Variants in ZNF287 observed in about 807,000 individuals in gnomAD.
ZNF287 encodes the protein zinc finger protein 287, also known as zinc finger protein with KRAB and SCAN domains 13.
In ZNF287, 31 loss-of-function variants were observed where a neutral mutation model predicts 73.7. That is an observed-to-expected ratio of 0.42 (90% CI 0.32 to 0.57). The LOEUF is 0.57. Among genes scored for constraint, ZNF287 ranks in the 20% least tolerant of loss-of-function variants. The probability of loss-of-function intolerance (pLI) is 0.13; values close to 1 mark genes in which losing one functional copy is unlikely to be tolerated. For missense variants in ZNF287, 641 were observed against 909.3 expected (o/e 0.70, Z 3.79); for synonymous variants, 301 against 307.2 (o/e 0.98, Z 0.21).
chr17:16,564,271 G>GTTCA (rs1907618983), intron 3 of ZNF287, among the ~76,000 whole-genome samples: 1 of 152,132 alleles, frequency 6.6e-6, no homozygotes, highest in South Asian at 2.1e-4. Flanking sequence ...TACAATCATT[G>GTTCA]TTCACTGCAG....
chr17:16,561,171 G>A (rs1394787674), intron 5 of ZNF287, among the ~76,000 whole-genome samples: 6 of 152,062 alleles, frequency 3.9e-5, no homozygotes, highest in East Asian at 1.9e-4. Flanking sequence ...AAAACTAGCC[G>A]GGTGTGGTGG....
At chr17:16,557,818 G>C (rs1238271943) in intron 5 of ZNF287, among the ~76,000 whole-genome samples, 1 of 152,140 alleles carries the variant, frequency 6.6e-6, no homozygotes, top group East Asian at 1.9e-4. Flanking sequence ...GTAAGAACAG[G>C]CTAGGCTAGA....
intron 5 of ZNF287, among the ~76,000 whole-genome samples, chr17:16,560,021 T>C (rs1266832678): frequency 6.6e-6 from 1 of 151,816 alleles, no homozygotes; most frequent in Admixed American, 6.6e-5. Flanking sequence ...GGCACAACCT[T>C]GGCTCACTGC....
At chr17:16,566,204 T>C (rs1385649725) in intron 3 of ZNF287, among the ~76,000 whole-genome samples, 1 of 152,186 alleles carries the variant, frequency 6.6e-6, no homozygotes, top group African/African-American at 2.4e-5. Flanking sequence ...GTTAAGTATC[T>C]TGTCCCAAAT....
intron 1 of ZNF287, 61 bp from the exon 2 acceptor site, chr17:16,567,990 C>A: frequency 7.7e-7 from 1 of 1,294,426 alleles, no homozygotes; most frequent in Non-Finnish European, 9.8e-7. Flanking sequence ...TATACATATA[C>A]ACACACAGAA....
intron 3 of ZNF287, among the ~76,000 whole-genome samples, chr17:16,565,615 C>T (rs954417549): frequency 2.0e-5 from 3 of 152,068 alleles, no homozygotes; most frequent in African/African-American, 7.2e-5. Flanking sequence ...CAAAAGCTTT[C>T]CAATTTCAGA....
At chr17:16,567,095 A>G (rs928957536) in intron 2 of ZNF287, among the ~76,000 whole-genome samples, 3 of 152,130 alleles carry the variant, frequency 2.0e-5, no homozygotes, top group African/African-American at 4.8e-5. Flanking sequence ...GGTTTAGATA[A>G]TGTGTGTTTG....
In ZNF287 at chr17:16,567,750, C is replaced by G. The variant is rs375102410; in HGVS notation, c.-19G>C. The G allele has an allele frequency of 1.8e-4, 287 of 1,586,174 alleles. No homozygotes were observed. The highest frequency in any genetic ancestry group is 1.7e-4 in the Non-Finnish European group (201 of 1,166,496). ...CTAACATTGCTACAGACAGGAGAGT[C>G]AATCTGGCAATATCCTTTATTTCTC... On this transcript the variant is annotated 5_prime_UTR_variant, in exon 2 of 6. Coordinates refer to ENST00000395825, the MANE Select transcript of ZNF287 (RefSeq NM_020653.4).
Position 16,547,300 on chromosome 17 carries a change from A to G in ZNF287, c.*4556T>C, listed in dbSNP as rs571172400. On this transcript the variant is annotated 3_prime_UTR_variant, in exon 6 of 6. Coordinates refer to ENST00000395825, the MANE Select transcript of ZNF287 (RefSeq NM_020653.4). Reference sequence around the variant, plus strand: ...TATAGACATATAATAGTTAAAACACAACGTATTAGGTATACATCTAGTTGC... The same window carrying G: ...TATAGACATATAATAGTTAAAACACGACGTATTAGGTATACATCTAGTTGC... Among the ~76,000 whole-genome samples, 2 of 152,326 alleles carry G rather than the reference A, an allele frequency of 1.3e-5. No individual in the cohort carries two copies. The highest frequency in any genetic ancestry group is 4.8e-5 in the African/African-American group (2 of 41,566).
Position 16,552,996 on chromosome 17 carries a change from G to C in ZNF287, c.1146C>G (p.Ser382=). The change falls in exon 6 of 6, where the codon TCC becomes TCG. Residue 382 remains serine, a synonymous_variant. Transcript: ENST00000395825. This position sits in a 1 kb window ranked among gnomAD's most constrained non-coding sequence, Gnocchi z 6.5. ...CATGGGTACTTTGGTGTTTCAGGAG[G>C]GATGGGTATTTCCTAAATTTTTTCC... ...VCGKKFRKYP[S]LLKHQSTHAK... 1.2e-6 allele frequency: 2 copies of C among 1,614,022 alleles called. 1 individual carries two copies. The highest frequency in any genetic ancestry group is 1.7e-6 in the Non-Finnish European group (2 of 1,179,994).
intron 5 of ZNF287, among the ~76,000 whole-genome samples, chr17:16,557,153 G>A (rs987408314): frequency 2.0e-5 from 3 of 152,198 alleles, no homozygotes; most frequent in South Asian, 2.1e-4. Context: ...ACCGATAAAC[G>A]CACATTTTAA....
At position 16,552,701 on chromosome 17, in the gene ZNF287, T is replaced by G. The variant is rs761850967; in HGVS notation, c.1441A>C (p.Lys481Gln). 6.2e-7 allele frequency: 1 copy of G among 1,614,180 alleles called. No homozygotes were observed. The highest frequency in any genetic ancestry group is 8.5e-7 in the Non-Finnish European group (1 of 1,180,022). The change falls in exon 6 of 6, where the codon AAA (lysine) becomes CAA (glutamine). Residue 481 changes from lysine (K) to glutamine (Q), a missense_variant. Coordinates refer to ENST00000395825, the MANE Select transcript of ZNF287 (RefSeq NM_020653.4). This position sits in a 1 kb window ranked among gnomAD's most constrained non-coding sequence, Gnocchi z 6.5. The part of the protein sequence containing the change: ...QRTHTGEKPY[K>Q]CLECGKTFSH... ...AAGGTTTTACCACATTCCAAGCATT[T>G]ATATGGTTTCTCTCCAGTATGTGTC... is the stretch of plus-strand genomic sequence containing the variant.
Position 16,551,905 on chromosome 17 carries a change from T to C in ZNF287, c.2237A>G (p.Asn746Ser). 1 of 1,613,520 alleles carries C rather than the reference T, an allele frequency of 6.2e-7. No homozygotes were observed. The highest frequency in any genetic ancestry group is 8.5e-7 in the Non-Finnish European group (1 of 1,179,658). Residue 746 changes from asparagine (N) to serine (S), a missense_variant, in exon 6 of 6, where the codon AAC becomes AGC. Transcript: ENST00000395825. ...ICGKTFTQST[N>S]LIQHQRVHTG... Reference sequence around the variant, plus strand: ...ATGAACACGTTGATGCTGAATAAGGTTTGTACTCTGGGTGAAGGTTTTACC... The same window carrying C: ...ATGAACACGTTGATGCTGAATAAGGCTTGTACTCTGGGTGAAGGTTTTACC...
At chr17:16,554,954 T>G (rs1160947638) in intron 5 of ZNF287, among the ~76,000 whole-genome samples, 3 of 150,088 alleles carry the variant, frequency 2.0e-5, no homozygotes, top group African/African-American at 7.6e-5. Flanking sequence ...TTAGGTTGAA[T>G]TATGTAGGAA....
intron 5 of ZNF287, 22 bp downstream of exon 5, chr17:16,563,124 T>C (rs962876646): frequency 8.4e-6 from 13 of 1,541,044 alleles, no homozygotes; most frequent in African/African-American, 1.4e-5. Context: ...ACAAAGAAGC[T>C]CATGCGCTTT....
In ZNF287 at chr17:16,567,846, C is replaced by A. The variant is rs943817431; in HGVS notation, c.-115G>T. ...ACACTATATCAAAGGCTGCTGCAGC[C>A]GAGGGCAGAACAGAATCAAGGTAGA... is the stretch of plus-strand genomic sequence containing the variant. On this transcript the variant is annotated 5_prime_UTR_variant, in exon 2 of 6. Transcript: ENST00000395825. The A allele has an allele frequency of 3.4e-6, 5 of 1,478,572 alleles. No individual in the cohort carries two copies. The highest frequency in any genetic ancestry group is 1.4e-5 in the South Asian group (1 of 70,828). The allele number at this position is 1,478,572 out of a possible 1,614,324, so 91.6% of individuals were successfully genotyped here.
At chr17:16,565,367 C>T (rs960672279) in intron 3 of ZNF287, among the ~76,000 whole-genome samples, 13 of 150,840 alleles carry the variant, frequency 8.6e-5, no homozygotes, top group Non-Finnish European at 1.9e-4. Context: ...AAATTTTTTT[C>T]GGGGGTGTGA....
At chr17:16,559,171 G>A (rs111906742) in intron 5 of ZNF287, 24 of 152,084 alleles carry the variant, frequency 1.6e-4, no homozygotes, top group Non-Finnish European at 2.6e-4. Flanking sequence ...GGGAGTAGGT[G>A]GGAAGAGAGC....
chr17:16,559,638 T>C (rs896519643), intron 5 of ZNF287, among the ~76,000 whole-genome samples: 9 of 150,912 alleles, frequency 6.0e-5, no homozygotes, highest in African/African-American at 2.2e-4. Context: ...GAAGCAATGA[T>C]ACCCATAAAC....
Sources: gnomAD v4.1 joint callset for allele counts (sites outside exome capture counted in the v4.1 genomes callset) on GRCh38, gnomAD v4.1.1 for gene constraint, Gnocchi (gnomAD v3.1) non-coding constraint, MANE v1.5 for transcripts, NCBI Gene and HGNC (gene_info 2026-07-23, HGNC 2026-07-21) for gene names.